Variants in ITPR1 observed in about 807,000 individuals in gnomAD.
The protein encoded by ITPR1 is inositol 1,4,5-trisphosphate-gated calcium channel ITPR1.
ITPR1 carries 96 observed loss-of-function variants against 318.4 expected under a neutral mutation model. The ratio of observed to expected loss-of-function variants is 0.30; its 90% CI spans 0.26 to 0.36. ITPR1 has a LOEUF of 0.36. Among genes scored for constraint, ITPR1 ranks in the 10% least tolerant of loss-of-function variants. ITPR1 has a pLI of 1.00. For synonymous variants in ITPR1, 1,312 were observed against 1,289.9 expected, an observed-to-expected ratio of 1.02 and a Z score of -0.37; for missense variants, 2,440 against 3,460.2, an observed-to-expected ratio of 0.71 and a Z score of 7.40.
chr3:4,785,115 A>T (rs2047099436), intron 51 of ITPR1, among the ~76,000 whole-genome samples: 1 of 152,240 alleles, frequency 6.6e-6, no homozygotes, highest in South Asian at 2.1e-4. Context: ...TCTGGGGGAA[A>T]GAAACAAACA....
At chr3:4,684,064 G>A (rs2094347762) in intron 28 of ITPR1, among the ~76,000 whole-genome samples, 1 of 152,210 alleles carries the variant, frequency 6.6e-6, no homozygotes. Context: ...GACCCACTTG[G>A]GAATTGACCT....
At chr3:4,688,712 T>C in intron 31 of ITPR1, 92 bp downstream of exon 31, 1 of 1,276,154 alleles carries the variant, frequency 7.8e-7, no homozygotes, top group Non-Finnish European at 1.1e-6. Context: ...TTGTGGCTTC[T>C]GGGGCTTGTT....
At chr3:4,662,619 A>T (rs1216957326) in intron 15 of ITPR1, among the ~76,000 whole-genome samples, 1 of 152,144 alleles carries the variant, frequency 6.6e-6, no homozygotes, top group African/African-American at 2.4e-5. Flanking sequence ...GCTCCTCAGG[A>T]AGCTGAGGCA....
Position 4,543,586 on chromosome 3 carries a change from G to A in ITPR1, c.163+22492G>A, listed in dbSNP as rs1212799680. 1.3e-5 allele frequency among the ~76,000 whole-genome samples: 2 copies of A among 152,194 alleles called. 1 individual carries two copies. Among genetic ancestry groups the A allele is most frequent in the Non-Finnish European group, 2.9e-5 (2 of 68,042 alleles). On this transcript the variant is annotated intron_variant, in intron 4 of 61. Coordinates refer to ENST00000649015, the MANE Select transcript of ITPR1 (RefSeq NM_001378452.1). ...GCCTCCTGAGTAGCTGGGGCTATAG[G>A]CACGTGCCACCACGCCTGGCTAATT...
At chr3:4,625,616 G>C (rs985618550) in intron 4 of ITPR1, among the ~76,000 whole-genome samples, 1 of 152,126 alleles carries the variant, frequency 6.6e-6, no homozygotes. Context: ...GAGTGCAGTG[G>C]TGTGATCTCG....
At chr3:4,516,661 A>G (rs2082192963) in intron 3 of ITPR1, 78 bp downstream of exon 3, 1 of 891,322 alleles carries the variant, frequency 1.1e-6, no homozygotes, top group Non-Finnish European at 1.8e-6. Flanking sequence ...GATTTTTCTA[A>G]CATAAGAACG....
intron 4 of ITPR1, among the ~76,000 whole-genome samples, chr3:4,574,932 A>G (rs1389622851): frequency 3.3e-5 from 5 of 152,238 alleles, no homozygotes; most frequent in Admixed American, 6.5e-5. Context: ...AGATTCAAAG[A>G]TGATTGCAAA....
chr3:4,668,440 A>G (rs368544826), intron 18 of ITPR1, among the ~76,000 whole-genome samples: 1 of 151,908 alleles, frequency 6.6e-6, no homozygotes, highest in Admixed American at 6.6e-5. Context: ...TGTTGTTGCA[A>G]ATGACTGGAT....
intron 4 of ITPR1, among the ~76,000 whole-genome samples, chr3:4,544,789 T>G (rs1250461019): frequency 2.0e-5 from 3 of 152,190 alleles, no homozygotes; most frequent in African/African-American, 7.2e-5. Flanking sequence ...TTGCTTTCAT[T>G]GCAACAACAA....
At chr3:4,553,607 T>TG (rs2085804594) in intron 4 of ITPR1, among the ~76,000 whole-genome samples, 1 of 150,378 alleles carries the variant, frequency 6.6e-6, no homozygotes, top group African/African-American at 2.4e-5. Flanking sequence ...ATTTCTTTTT[T>TG]TTTTTTTTTT....
chr3:4,788,963 C>G (rs1010489373), intron 52 of ITPR1, among the ~76,000 whole-genome samples: 3 of 152,192 alleles, frequency 2.0e-5, no homozygotes, highest in African/African-American at 7.2e-5. Flanking sequence ...CCAGAGCTTT[C>G]GTCTTCTCCG....
intron 26 of ITPR1, among the ~76,000 whole-genome samples, chr3:4,683,043 T>G (rs969930625): frequency 2.6e-5 from 4 of 152,148 alleles, no homozygotes; most frequent in Non-Finnish European, 5.9e-5. Context: ...ATACATAAAC[T>G]AATAACTTAG....
chr3:4,620,842 G>A (rs912347233), intron 4 of ITPR1, among the ~76,000 whole-genome samples: 1 of 152,098 alleles, frequency 6.6e-6, no homozygotes, highest in African/African-American at 2.4e-5. Context: ...CACTCCAGAT[G>A]TATAGCTACA....
intron 44 of ITPR1, among the ~76,000 whole-genome samples, chr3:4,747,541 GTGGGAGACACTGTGCCCTCC>G (rs377390401): frequency 6.6e-6 from 1 of 152,348 alleles, no homozygotes; most frequent in African/African-American, 2.4e-5. Flanking sequence ...TGGAGTCTTT[GTGGGAGACACTGTGCCCTCC>G]TGATAATCAG....
Position 4,626,657 on chromosome 3 carries a change from T to A in ITPR1, c.164-1106T>A, listed in dbSNP as rs7617477. Among the ~76,000 whole-genome samples the A allele has an allele frequency of 1.0e-2, 1,517 of 152,308 alleles. 19 individuals carry two copies. Among genetic ancestry groups the A allele is most frequent in the African/African-American group, 0.035 (1,435 of 41,550 alleles). On this transcript the variant is annotated intron_variant, in intron 4 of 61. Coordinates refer to ENST00000649015, the MANE Select transcript of ITPR1 (RefSeq NM_001378452.1). The stretch of plus-strand genomic sequence containing the variant: ...GTATAAAGTTGTATAAACCGAGGCA[T>A]GCTAAATGGAAGCACATCGCAGTGC...
intron 4 of ITPR1, among the ~76,000 whole-genome samples, chr3:4,535,566 C>T (rs2083794198): frequency 6.6e-6 from 1 of 150,810 alleles, no homozygotes; most frequent in African/African-American, 2.4e-5. Flanking sequence ...CCTCAGCCTC[C>T]CGAGTAGCTG....
chr3:4,573,383 G>A (rs1575578148), intron 4 of ITPR1, among the ~76,000 whole-genome samples: 1 of 152,172 alleles, frequency 6.6e-6, no homozygotes, highest in East Asian at 1.9e-4. Context: ...AGTCACCATT[G>A]GCTCTTGTCT....
chr3:4,727,698 C>T (rs2042618321), intron 42 of ITPR1, among the ~76,000 whole-genome samples: 1 of 152,120 alleles, frequency 6.6e-6, no homozygotes, highest in African/African-American at 2.4e-5. Context: ...CCTCAGCTTC[C>T]CGAGTAGCTG....
rs768859248 is a variant in ITPR1, at chr3:4,642,230, G to A, written c.504G>A (p.Lys168=). ...GGTTTTATATTCAGCCATTCTACAA[G>A]CTGCGATCCATTGGAGACAGCGTAA... ...GSWFYIQPFY[K]LRSIGDSVVI... The change falls in exon 7 of 62, where the codon AAG becomes AAA. Residue 168 remains lysine, a synonymous_variant. Coordinates refer to ENST00000649015, the MANE Select transcript of ITPR1 (RefSeq NM_001378452.1). 6.3e-6 allele frequency: 10 copies of A among 1,581,796 alleles called. No individual in the cohort carries two copies. The South Asian group carries it at 9.4e-5, about 15-fold the overall frequency.
Sources: gnomAD v4.1 joint callset for allele counts (sites outside exome capture counted in the v4.1 genomes callset) on GRCh38, gnomAD v4.1.1 for gene constraint, MANE v1.5 for transcripts, NCBI Gene and HGNC (gene_info 2026-07-23, HGNC 2026-07-21) for gene names.